CNTN2: variants seen among roughly 807,000 people sequenced by gnomAD.
The protein encoded by CNTN2 is contactin-2.
In CNTN2, 53 loss-of-function variants were observed where a neutral mutation model predicts 117.5. The observed-to-expected ratio is 0.45, with a 90% confidence interval of 0.36 to 0.57. The LOEUF is 0.57. Ranked by LOEUF, CNTN2 falls within the 20% of genes least tolerant of loss-of-function variation. The pLI is 0.00. For missense variants in CNTN2, 1,106 were observed against 1,404.3 expected, an observed-to-expected ratio of 0.79 and a Z score of 3.39; for synonymous variants, 530 against 561.7, an observed-to-expected ratio of 0.94 and a Z score of 0.80.
At position 205,074,122 on chromosome 1, in the gene CNTN2, G is replaced by C. The variant is rs1042831; in HGVS notation, c.*357G>C. The C allele has an allele frequency of 0.37, 195,509 of 524,504 alleles. 41,939 individuals carry two copies. Among genetic ancestry groups the C allele is most frequent in the Non-Finnish European group, 0.46 (138,126 of 297,778 alleles). 32.5% of individuals were successfully genotyped at this position (524,504 alleles called of 1,614,324 possible). A position where few individuals can be genotyped will look rare whatever the true frequency, so the allele number is the denominator to read the frequency against. The stretch of plus-strand genomic sequence containing the variant: ...AGATGGCCCTCTGGGACCCTATACG[G>C]ACTCCGCCACTTGAGAGCAGTCCTA... On this transcript the variant is annotated 3_prime_UTR_variant, in exon 23 of 23. Coordinates refer to ENST00000331830, the MANE Select transcript of CNTN2 (RefSeq NM_005076.5).
chr1:205,069,571 A>C lies in CNTN2; in HGVS notation c.2196+10A>C. 1 of 1,611,892 alleles carries C rather than the reference A, an allele frequency of 6.2e-7. No individual in the cohort carries two copies. Among genetic ancestry groups the C allele is most frequent in the Non-Finnish European group, 8.5e-7 (1 of 1,179,868 alleles). ...CATCGTCAACTGGACGGTAAGCTGC[A>C]AGGGTCAGATGTCCTCCTCCTCCTC... On this transcript the variant is annotated intron_variant, in intron 17 of 22. Coordinates refer to ENST00000331830, the MANE Select transcript of CNTN2 (RefSeq NM_005076.5).
chr1:205,064,054 A>G (rs1654130994), intron 10 of CNTN2, among the ~76,000 whole-genome samples: 1 of 149,896 alleles, frequency 6.7e-6, no homozygotes, highest in Admixed American at 6.7e-5. Flanking sequence ...CTGGGTGGAG[A>G]AAAGATTGTA....
At chr1:205,071,866 G>C in intron 19 of CNTN2, 81 bp from the exon 20 acceptor site, 2 of 1,352,288 alleles carry the variant, frequency 1.5e-6, no homozygotes, top group Non-Finnish European at 2.0e-6. Flanking sequence ...ATGAGCAAGA[G>C]AGGAACAGAA....
chr1:205,071,205 C>T (rs1173558585), intron 19 of CNTN2, among the ~76,000 whole-genome samples: 2 of 152,140 alleles, frequency 1.3e-5, no homozygotes, highest in East Asian at 1.9e-4. Flanking sequence ...CAGCCTGAGC[C>T]GCTCTATGGA....
chr1:205,061,241 C>T lies in CNTN2; in HGVS notation c.798-4C>T, dbSNP rs1287589900. 1 of 1,603,128 alleles carries T rather than the reference C, an allele frequency of 6.2e-7. No individual in the cohort carries two copies. Among genetic ancestry groups the T allele is most frequent in the Admixed American group, 1.7e-5 (1 of 59,544 alleles). ...ACACCCTCTGGCTTTGTCTCTCCTG[C>T]CAGCCCTGTCCCCCGGATCAAGTGG... is the stretch of plus-strand genomic sequence containing the variant. On this transcript the variant is annotated splice_region_variant and splice_polypyrimidine_tract_variant and intron_variant, in intron 7 of 22. Coordinates refer to ENST00000331830, the MANE Select transcript of CNTN2 (RefSeq NM_005076.5). The surrounding 1 kb of genome is among the most constrained non-coding windows in gnomAD (Gnocchi z 4.8).
In CNTN2 at chr1:205,062,588, C is replaced by A; in HGVS notation, c.1240+19C>A. Reference sequence around the variant, plus strand: ...GTGCAAGGTAAGGGGCCCAGGGAGGCAGGGGACATCCCAAGGACATGCATA... The same window carrying A: ...GTGCAAGGTAAGGGGCCCAGGGAGGAAGGGGACATCCCAAGGACATGCATA... On this transcript the variant is annotated intron_variant, in intron 10 of 22. Coordinates refer to ENST00000331830, the MANE Select transcript of CNTN2 (RefSeq NM_005076.5). 6.2e-7 allele frequency: 1 copy of A among 1,606,244 alleles called. No individual in the cohort carries two copies. Among genetic ancestry groups the A allele is most frequent in the Non-Finnish European group, 8.5e-7 (1 of 1,175,908 alleles).
In CNTN2 at chr1:205,058,920, G is replaced by T; in HGVS notation, c.488-164G>T. 1 of 723,064 alleles carries T rather than the reference G, an allele frequency of 1.4e-6. No individual in the cohort carries two copies. Among genetic ancestry groups the T allele is most frequent in the Non-Finnish European group, 2.3e-6 (1 of 438,736 alleles). The allele number at this position is 723,064 out of a possible 1,614,324, so 44.8% of individuals were successfully genotyped here. A position where few individuals can be genotyped will look rare whatever the true frequency, so the allele number is the denominator to read the frequency against. ...CAGACTTAGCGCTCCCTGAGGGCAGGAATAAAGTCACTTCTTCCCTCTAGG... is the reference window on the plus strand; with the variant it reads ...CAGACTTAGCGCTCCCTGAGGGCAGTAATAAAGTCACTTCTTCCCTCTAGG... On this transcript the variant is annotated intron_variant, in intron 5 of 22. Transcript: ENST00000331830. The surrounding 1 kb of genome is among the most constrained non-coding windows in gnomAD (Gnocchi z 4.3).
At chr1:205,050,085 C>A (rs2096449730) in intron 1 of CNTN2, among the ~76,000 whole-genome samples, 1 of 152,228 alleles carries the variant, frequency 6.6e-6, no homozygotes, top group African/African-American at 2.4e-5. Flanking sequence ...TCACAAGGGG[C>A]ATTAACCTAT....
intron 19 of CNTN2, among the ~76,000 whole-genome samples, chr1:205,071,105 G>T (rs1405494534): frequency 2.0e-5 from 3 of 152,186 alleles, no homozygotes; most frequent in Admixed American, 2.0e-4. Context: ...AGCTGAGAGG[G>T]TAGAAGGAAC....
chr1:205,074,812 T>C lies in CNTN2; in HGVS notation c.*1047T>C. The C allele has an allele frequency of 1.0e-5, 4 of 398,532 alleles. No individual in the cohort carries two copies. Among genetic ancestry groups the C allele is most frequent in the Non-Finnish European group, 1.8e-5 (4 of 226,146 alleles). 24.7% of individuals were successfully genotyped at this position (398,532 alleles called of 1,614,324 possible). On this transcript the variant is annotated 3_prime_UTR_variant, in exon 23 of 23. Coordinates refer to ENST00000331830, the MANE Select transcript of CNTN2 (RefSeq NM_005076.5). ...GCTGTGTGTCCTGGTATTGGGAGGT[T>C]TCTGGGAAGGGCAGAGGATAAATGT...
Position 205,073,949 on chromosome 1 carries a change from A to C in CNTN2, c.*184A>C. On this transcript the variant is annotated 3_prime_UTR_variant, in exon 23 of 23. Transcript: ENST00000331830. This position sits in a 1 kb window ranked among gnomAD's most constrained non-coding sequence, Gnocchi z 6.3. Reference sequence around the variant, plus strand: ...TATATTCTGCCGCAGGATAGAACCCACGCAAGGATTTTCTTTAAATTGAGA... The same window carrying C: ...TATATTCTGCCGCAGGATAGAACCCCCGCAAGGATTTTCTTTAAATTGAGA... 1 of 605,030 alleles carries C rather than the reference A, an allele frequency of 1.7e-6. No homozygotes were observed. The highest frequency in any genetic ancestry group is 2.9e-6 in the Non-Finnish European group (1 of 340,554). The allele number at this position is 605,030 out of a possible 1,614,324, so 37.5% of individuals were successfully genotyped here.
intron 2 of CNTN2, among the ~76,000 whole-genome samples, 176 bp downstream of exon 2, chr1:205,053,431 G>A (rs897849141): frequency 3.9e-5 from 6 of 152,190 alleles, no homozygotes; most frequent in African/African-American, 1.4e-4. Flanking sequence ...CTTCCTTTGA[G>A]TTTAGGAGGA....
chr1:205,068,479 C>G (rs1033377879), intron 16 of CNTN2: 1 of 152,190 alleles, frequency 6.6e-6, no homozygotes, highest in Non-Finnish European at 1.5e-5. Context: ...TTTGATTGAT[C>G]CTGAACTTCT....
rs2096454254 is a variant in CNTN2 at position 205,052,297 on chromosome 1, GC to G, written c.-86-798del. 5.3e-5 allele frequency among the ~76,000 whole-genome samples: 8 copies of G among 152,290 alleles called. No homozygotes were observed. The South Asian group carries it at 1.7e-3, about 32-fold the overall frequency. On this transcript the variant is annotated intron_variant, in intron 1 of 22. Transcript: ENST00000331830. ...GGGAGTGAACGGGGAGGCTGGCTCTGCCCCCGCCCTCACCTCCCAAGAGAAG... is the reference window on the plus strand; with the variant it reads ...GGGAGTGAACGGGGAGGCTGGCTCTGCCCCGCCCTCACCTCCCAAGAGAAG...
chr1:205,074,189 G>A lies in CNTN2; in HGVS notation c.*424G>A. 1 of 447,644 alleles carries A rather than the reference G, an allele frequency of 2.2e-6. No individual in the cohort carries two copies. Among genetic ancestry groups the A allele is most frequent in the Non-Finnish European group, 3.9e-6 (1 of 253,948 alleles). 27.7% of individuals were successfully genotyped at this position (447,644 alleles called of 1,614,324 possible). On this transcript the variant is annotated 3_prime_UTR_variant, in exon 23 of 23. Coordinates refer to ENST00000331830, the MANE Select transcript of CNTN2 (RefSeq NM_005076.5). ...CAGACATGAACAGGTTGAAGAACTG[G>A]AGCGAAGTGCACACCTCACCATCCT...
In CNTN2 at chr1:205,070,549, A is replaced by G. The variant is rs758765947; in HGVS notation, c.2544+11A>G. The G allele has an allele frequency of 9.4e-6, 15 of 1,597,112 alleles. No homozygotes were observed. In the African/African-American group the frequency reaches 1.2e-4, roughly 13 times the overall value. Reference sequence around the variant, plus strand: ...CTCCTGGGGTATGAGGTGAGCACCAACCTGGGACTTGGGAGAGGAAGGGGT... The same window carrying G: ...CTCCTGGGGTATGAGGTGAGCACCAGCCTGGGACTTGGGAGAGGAAGGGGT... On this transcript the variant is annotated intron_variant, in intron 19 of 22. Coordinates refer to ENST00000331830, the MANE Select transcript of CNTN2 (RefSeq NM_005076.5).
chr1:205,062,661 A>G, intron 10 of CNTN2, 92 bp downstream of exon 10: 1 of 1,408,674 alleles, frequency 7.1e-7, no homozygotes, highest in African/African-American at 1.5e-5. Flanking sequence ...ACACACATGC[A>G]CATACCCTGT....
chr1:205,062,408 G>A, intron 9 of CNTN2, 32 bp from the exon 10 acceptor site: 1 of 1,591,654 alleles, frequency 6.3e-7, no homozygotes, highest in Non-Finnish European at 8.6e-7. Context: ...CTGTGGTCCT[G>A]ATCCCCCTGG....
chr1:205,074,330 C>A lies in CNTN2; in HGVS notation c.*565C>A, dbSNP rs992191422. The A allele has an allele frequency of 2.5e-6, 1 of 400,050 alleles. No homozygotes were observed. Among genetic ancestry groups the A allele is most frequent in the African/African-American group, 2.1e-5 (1 of 48,622 alleles). The allele number at this position is 400,050 out of a possible 1,614,324, so 24.8% of individuals were successfully genotyped here. A position where few individuals can be genotyped will look rare whatever the true frequency, so the allele number is the denominator to read the frequency against. ...TAACTCCCTAGGGGCTCCTGCCTGCCCAAGCGGCTGAGAACCAGCGCCCCG... is the reference window on the plus strand; with the variant it reads ...TAACTCCCTAGGGGCTCCTGCCTGCACAAGCGGCTGAGAACCAGCGCCCCG... On this transcript the variant is annotated 3_prime_UTR_variant, in exon 23 of 23. Coordinates refer to ENST00000331830, the MANE Select transcript of CNTN2 (RefSeq NM_005076.5).
Sources: allele counts gnomAD v4.1 joint callset (sites outside exome capture counted in the v4.1 genomes callset), GRCh38; gene constraint gnomAD v4.1.1; non-coding constraint Gnocchi (gnomAD v3.1); transcripts MANE v1.5; gene names NCBI Gene and HGNC (gene_info 2026-07-23, HGNC 2026-07-21).